Variants in TARBP1 observed in about 807,000 individuals in gnomAD.
TARBP1 encodes tRNA (guanosine(18)-2'-O)-methyltransferase TARBP1.
In TARBP1, 144 loss-of-function variants were observed where a neutral mutation model predicts 178.6. That is an observed-to-expected ratio of 0.81 (90% CI 0.70 to 0.93). The LOEUF (loss-of-function observed/expected upper bound fraction) is 0.93, where lower values mean the gene tolerates loss of function less well. Among genes scored for constraint, TARBP1 ranks in the 40% least tolerant of loss-of-function variants. TARBP1 has a pLI of 0.00. For synonymous variants in TARBP1, 787 were observed against 781.0 expected, an observed-to-expected ratio of 1.01 and a Z score of -0.13; for missense variants, 2,067 against 2,011.7, an observed-to-expected ratio of 1.03 and a Z score of -0.53.
At chr1:234,430,039 C>T (rs768286814) in intron 15 of TARBP1, 48 bp downstream of exon 15, 16 of 1,538,082 alleles carry the variant, frequency 1.0e-5, no homozygotes, top group African/African-American at 4.1e-5. Context: ...CATGAACTCA[C>T]GGTGACAACA....
At chr1:234,462,061 T>C (rs1399902652) in intron 6 of TARBP1, among the ~76,000 whole-genome samples, 1 of 152,242 alleles carries the variant, frequency 6.6e-6, no homozygotes, top group Admixed American at 6.5e-5. Context: ...TTTTAATTGC[T>C]CTTTTTGAAC....
At chr1:234,392,804 G>A (rs530408720) in intron 28 of TARBP1, 20 of 216,888 alleles carry the variant, frequency 9.2e-5, no homozygotes, top group African/African-American at 3.5e-4. Context: ...TCCGCCTCCC[G>A]GGTTCACGCC....
intron 13 of TARBP1, among the ~76,000 whole-genome samples, chr1:234,434,462 CAA>C (rs1664802983): frequency 6.6e-6 from 1 of 152,112 alleles, no homozygotes; most frequent in South Asian, 2.1e-4. Flanking sequence ...CAAGACTGAA[CAA>C]AAGGGCAAGA....
At chr1:234,457,591 T>G (rs1667414200) in intron 9 of TARBP1, 76 bp downstream of exon 9, 1 of 896,452 alleles carries the variant, frequency 1.1e-6, no homozygotes, top group Non-Finnish European at 1.7e-6. Flanking sequence ...TTTATATAAA[T>G]GGCTACTAAG....
chr1:234,429,048 T>C (rs1664101707), intron 17 of TARBP1, 88 bp downstream of exon 17: 4 of 1,241,094 alleles, frequency 3.2e-6, no homozygotes, highest in Non-Finnish European at 4.3e-6. Flanking sequence ...GAGCCAAAAA[T>C]CTAATTGTGA....
chr1:234,433,901 A>C (rs1004917784), intron 13 of TARBP1, among the ~76,000 whole-genome samples: 1 of 152,228 alleles, frequency 6.6e-6, no homozygotes, highest in Non-Finnish European at 1.5e-5. Flanking sequence ...ATCATAAATA[A>C]TAATGATAAT....
In TARBP1 at chr1:234,429,615, T is replaced by A; in HGVS notation, c.2672A>T (p.Asp891Val). 1 of 1,614,034 alleles carries A rather than the reference T, an allele frequency of 6.2e-7. No individual in the cohort carries two copies. ...CAGGAAAGAGAGGCACACCCATTGA[T>A]CATGAATATATTGTGCAACTATTTT... ...WGKIVAQYIH[D>V]QWVCLSFLLK... The change falls in exon 16 of 30, where the codon GAT becomes GTT. Residue 891 changes from aspartate (D) to valine (V), a missense_variant. By Grantham distance (152) the Asp-to-Val change is radical. Coordinates refer to ENST00000040877, the MANE Select transcript of TARBP1 (RefSeq NM_005646.4).
At chr1:234,457,846 CTACT>C (rs1420304920) in intron 8 of TARBP1, 90 bp from the exon 9 acceptor site, 3 of 826,416 alleles carry the variant, frequency 3.6e-6, no homozygotes, top group Non-Finnish European at 5.8e-6. Context: ...ATCAATTCTA[CTACT>C]TAAAGTAGGT....
intron 20 of TARBP1, 83 bp from the exon 21 acceptor site, chr1:234,420,895 G>A: frequency 2.4e-6 from 2 of 850,516 alleles, no homozygotes; most frequent in South Asian, 3.6e-5. Context: ...AACTTGAAAT[G>A]TAAGTGGCTT....
At chr1:234,414,743 G>A (rs1369789956) in intron 22 of TARBP1, among the ~76,000 whole-genome samples, 2 of 152,182 alleles carry the variant, frequency 1.3e-5, no homozygotes, top group African/African-American at 4.8e-5. Context: ...CCAGCACTTA[G>A]GGAGGCCGAA....
chr1:234,420,647 G>T, intron 21 of TARBP1, 55 bp downstream of exon 21: 2 of 1,142,392 alleles, frequency 1.8e-6, no homozygotes, highest in Non-Finnish European at 2.5e-6. Context: ...CTGCAAAATA[G>T]TTCAGTCATG....
chr1:234,419,429 A>G (rs924935819), intron 21 of TARBP1, among the ~76,000 whole-genome samples: 2 of 152,162 alleles, frequency 1.3e-5, no homozygotes, highest in African/African-American at 4.8e-5. Context: ...AACCTCTCTC[A>G]ACTGCAGTGC....
At chr1:234,477,696 T>C (rs1050802573) in intron 1 of TARBP1, among the ~76,000 whole-genome samples, 2 of 152,228 alleles carry the variant, frequency 1.3e-5, no homozygotes, top group African/African-American at 4.8e-5. Flanking sequence ...GTAAATCCTG[T>C]TCCTAATTAC....
In TARBP1 at chr1:234,411,329, A is replaced by G. The variant is rs117733110; in HGVS notation, c.3706-798T>C. 1.4e-4 allele frequency among the ~76,000 whole-genome samples: 21 copies of G among 152,312 alleles called. No homozygotes were observed. The East Asian group carries it at 3.7e-3, about 27-fold the overall frequency. ...TTATGTGCAACTACTATGCCATTCT[A>G]AACAAAAGACTTGAGCATCCTCAGG... On this transcript the variant is annotated intron_variant, in intron 22 of 29. Transcript: ENST00000040877.
intron 4 of TARBP1, among the ~76,000 whole-genome samples, chr1:234,466,800 T>A (rs1299107494): frequency 6.6e-6 from 1 of 151,712 alleles, no homozygotes; most frequent in South Asian, 2.1e-4. Context: ...GAAGCGGAGG[T>A]TGCACTGAGC....
chr1:234,478,504 G>A lies in TARBP1; in HGVS notation c.600C>T (p.Val200=), dbSNP rs1284552447. 1.2e-5 allele frequency: 17 copies of A among 1,394,250 alleles called. 1 individual carries two copies. In the South Asian group the frequency reaches 2.1e-4, roughly 17 times the overall value. 86.4% of individuals were successfully genotyped at this position (1,394,250 alleles called of 1,614,324 possible). ...LVAGRLLPVL[V]QCGGAALRAV... is the part of the protein sequence containing the mutation. ...CCCGCAGCGCCGCCCCGCCACATTG[G>A]ACCAGCACTGGCAGCAGTCGCCCGG... Residue 200 remains valine (V), a synonymous_variant, in exon 1 of 30, where the codon GTC becomes GTT. Coordinates refer to ENST00000040877, the MANE Select transcript of TARBP1 (RefSeq NM_005646.4).
chr1:234,393,451 C>A lies in TARBP1; in HGVS notation c.4471G>T (p.Val1491Leu). ...CRTCEVFGAS[V>L]LVVGSLQCIS... The stretch of plus-strand genomic sequence containing the variant: ...CACTGAAGGCTGCCAACAACGAGCA[C>A]TGAAGCCCCAAATACCTCACAGGTC... Residue 1491 changes from valine (V) to leucine (L), a missense_variant, in exon 28 of 30, where the codon GTG (valine) becomes TTG (leucine). Physicochemically the swap from Val to Leu is conservative, Grantham distance 32. Transcript: ENST00000040877. 6.2e-7 allele frequency: 1 copy of A among 1,609,042 alleles called. No individual in the cohort carries two copies. Among genetic ancestry groups the A allele is most frequent in the Non-Finnish European group, 8.5e-7 (1 of 1,177,360 alleles).
At chr1:234,437,583 G>A (rs1665161583) in intron 12 of TARBP1, among the ~76,000 whole-genome samples, 1 of 152,098 alleles carries the variant, frequency 6.6e-6, no homozygotes, top group Admixed American at 6.5e-5. Context: ...GGATGGATCA[G>A]GGACACTCTT....
chr1:234,473,764 G>C (rs1669297154), intron 1 of TARBP1, among the ~76,000 whole-genome samples: 1 of 152,258 alleles, frequency 6.6e-6, no homozygotes, highest in Admixed American at 6.5e-5. Context: ...AACATAAATA[G>C]GGATCTAAGA....
Sources: gnomAD v4.1 joint callset for allele counts (sites outside exome capture counted in the v4.1 genomes callset) on GRCh38, gnomAD v4.1.1 for gene constraint, MANE v1.5 for transcripts, NCBI Gene and HGNC (gene_info 2026-07-23, HGNC 2026-07-21) for gene names.